The following COLGALT2 variants were observed in gnomAD, a reference collection of about 807,000 sequenced individuals.
COLGALT2 encodes collagen beta(1-O)galactosyltransferase 2.
In COLGALT2, 49 loss-of-function variants were observed where a neutral mutation model predicts 73.4. The observed-to-expected ratio is 0.67, with a 90% CI of 0.53 to 0.85. The LOEUF is 0.85. Ranked by LOEUF, COLGALT2 falls within the 40% of genes least tolerant of loss-of-function variation. The pLI is 0.00. For missense variants in COLGALT2, 722 were observed against 790.2 expected (o/e 0.91, Z 1.03); for synonymous variants, 295 against 307.6 (o/e 0.96, Z 0.43).
At position 183,969,346 on chromosome 1, in the gene COLGALT2, G is replaced by A. The variant is rs190633510; in HGVS notation, c.755C>T (p.Thr252Ile). 51 of 1,613,862 alleles carry A rather than the reference G, an allele frequency of 3.2e-5. No individual in the cohort carries two copies. In the East Asian group the frequency reaches 9.8e-4, roughly 31 times the overall value. ...DLRKEASDKL[T>I]FYPPHQDYTW... The stretch of plus-strand genomic sequence containing the variant: ...GTAGTCCTGGTGTGGGGGGTAGAAA[G>A]TCAGCTTGTCCGAGGCCTCCTTCCT... Residue 252 changes from threonine (T) to isoleucine (I), a missense_variant, in exon 5 of 12, where the codon ACT becomes ATT. Coordinates refer to ENST00000361927, the MANE Select transcript of COLGALT2 (RefSeq NM_015101.4).
At chr1:184,015,241 A>G (rs1310029213) in intron 1 of COLGALT2, among the ~76,000 whole-genome samples, 5 of 152,260 alleles carry the variant, frequency 3.3e-5, no homozygotes, top group Non-Finnish European at 5.9e-5. Flanking sequence ...TGTAGGGAAC[A>G]TGGCAGAATG....
intron 1 of COLGALT2, among the ~76,000 whole-genome samples, chr1:184,036,804 C>G (rs1020068727): frequency 6.6e-6 from 1 of 152,230 alleles, no homozygotes; most frequent in Non-Finnish European, 1.5e-5. Flanking sequence ...CCCCATGCCC[C>G]TTGTGGGACA....
intron 1 of COLGALT2, among the ~76,000 whole-genome samples, chr1:184,010,721 C>G (rs1032162171): frequency 3.3e-5 from 5 of 152,164 alleles, no homozygotes; most frequent in Admixed American, 2.0e-4. Flanking sequence ...CAGATCCAAA[C>G]TGAGGGCCAC....
intron 8 of COLGALT2, 62 bp from the exon 9 acceptor site, chr1:183,945,626 A>G: frequency 1.9e-6 from 3 of 1,590,068 alleles, no homozygotes; most frequent in African/African-American, 1.3e-5. Flanking sequence ...CAAAGGCCAG[A>G]GAAAGAGAGA....
intron 1 of COLGALT2, among the ~76,000 whole-genome samples, chr1:184,011,348 G>A (rs1422662908): frequency 6.6e-6 from 1 of 152,190 alleles, no homozygotes; most frequent in Admixed American, 6.5e-5. Context: ...CAACATAGTT[G>A]TCTGACAACT....
chr1:183,978,188 G>A (rs1450748549), intron 2 of COLGALT2, among the ~76,000 whole-genome samples: 11 of 152,114 alleles, frequency 7.2e-5, no homozygotes, highest in Non-Finnish European at 1.0e-4. Context: ...TATTTATGAA[G>A]TAATGAAAAT....
chr1:183,963,780 G>A, intron 6 of COLGALT2, 121 bp downstream of exon 6: 1 of 1,017,760 alleles, frequency 9.8e-7, no homozygotes, highest in Non-Finnish European at 1.4e-6. Context: ...AAATAGCTAT[G>A]TATTCAGCCA....
chr1:183,947,407 G>A (rs1670281179), intron 8 of COLGALT2, among the ~76,000 whole-genome samples: 1 of 152,026 alleles, frequency 6.6e-6, no homozygotes, highest in Non-Finnish European at 1.5e-5. Flanking sequence ...AATCACACAA[G>A]GTATGTTCTC....
Position 183,938,312 on chromosome 1 carries a change from A to T in COLGALT2, c.*449T>A. The T allele has an allele frequency of 1.0e-6, 1 of 990,956 alleles. No individual in the cohort carries two copies. Among genetic ancestry groups the T allele is most frequent in the Non-Finnish European group, 1.2e-6 (1 of 833,132 alleles). The allele number at this position is 990,956 out of a possible 1,614,324, so 61.4% of individuals were successfully genotyped here. A position where few individuals can be genotyped will look rare whatever the true frequency, so the allele number is the denominator to read the frequency against. On this transcript the variant is annotated 3_prime_UTR_variant, in exon 12 of 12. Coordinates refer to ENST00000361927, the MANE Select transcript of COLGALT2 (RefSeq NM_015101.4). ...CCTGTCCCCCAAAAGTTGCACACAC[A>T]AGTTTTCAATGTCATATAAAACGGA...
intron 1 of COLGALT2, among the ~76,000 whole-genome samples, chr1:183,997,160 G>GA (rs966363676): frequency 2.9e-4 from 44 of 151,996 alleles, no homozygotes; most frequent in Non-Finnish European, 4.3e-4. Flanking sequence ...ATTTTCTGTA[G>GA]AAAAAAACCA....
intron 10 of COLGALT2, among the ~76,000 whole-genome samples, chr1:183,942,401 T>C (rs1163738231): frequency 6.6e-6 from 1 of 152,188 alleles, no homozygotes; most frequent in Non-Finnish European, 1.5e-5. Context: ...ACCAAAATGA[T>C]GATACTGTTT....
intron 6 of COLGALT2, among the ~76,000 whole-genome samples, chr1:183,958,968 G>T (rs1670624892): frequency 6.6e-6 from 1 of 151,822 alleles, no homozygotes; most frequent in Non-Finnish European, 1.5e-5. Context: ...TCAAGATTCA[G>T]CTTTCTCATC....
chr1:184,022,240 T>C (rs1649201455), intron 1 of COLGALT2, among the ~76,000 whole-genome samples: 1 of 152,260 alleles, frequency 6.6e-6, no homozygotes, highest in East Asian at 1.9e-4. Context: ...ACTAATTACG[T>C]GAATAAATAA....
At chr1:184,005,284 C>G (rs1201859257) in intron 1 of COLGALT2, among the ~76,000 whole-genome samples, 1 of 152,350 alleles carries the variant, frequency 6.6e-6, no homozygotes, top group East Asian at 1.9e-4. Flanking sequence ...TTCTCCTTCA[C>G]CTTCTCACAC....
At chr1:183,981,752 A>AT (rs1449873612) in intron 1 of COLGALT2, among the ~76,000 whole-genome samples, 1 of 152,228 alleles carries the variant, frequency 6.6e-6, no homozygotes, top group Non-Finnish European at 1.5e-5. Flanking sequence ...CACTAAATAT[A>AT]TTCAAAAAAT....
At chr1:184,014,793 T>C (rs1402599321) in intron 1 of COLGALT2, among the ~76,000 whole-genome samples, 1 of 151,988 alleles carries the variant, frequency 6.6e-6, no homozygotes, top group Non-Finnish European at 1.5e-5. Flanking sequence ...AGAACAGGAG[T>C]AGAAGAGGTC....
chr1:184,034,370 C>A (rs1649607953), intron 1 of COLGALT2, among the ~76,000 whole-genome samples: 1 of 151,328 alleles, frequency 6.6e-6, no homozygotes. Flanking sequence ...TTTACTCTTC[C>A]TTCAAAACTG....
At chr1:183,974,587 T>C (rs1226310412) in intron 3 of COLGALT2, among the ~76,000 whole-genome samples, 1 of 152,178 alleles carries the variant, frequency 6.6e-6, no homozygotes, top group Non-Finnish European at 1.5e-5. Context: ...TTTGGGCAGA[T>C]TTTCACTGTG....
intron 1 of COLGALT2, among the ~76,000 whole-genome samples, chr1:184,029,224 C>A (rs572176368): frequency 1.2e-3 from 189 of 152,318 alleles, no homozygotes; most frequent in African/African-American, 4.4e-3. Flanking sequence ...CAATTATTAC[C>A]TATAATGAGA....
Sources: gnomAD v4.1 joint callset for allele counts (sites outside exome capture counted in the v4.1 genomes callset) on GRCh38, gnomAD v4.1.1 for gene constraint, MANE v1.5 for transcripts, NCBI Gene and HGNC (gene_info 2026-07-23, HGNC 2026-07-21) for gene names.